The following ADCY2 variants were observed in gnomAD, a reference collection of about 807,000 sequenced individuals.
ADCY2 encodes the protein adenylate cyclase type 2.
In ADCY2, 31 loss-of-function variants were observed where a neutral mutation model predicts 125.2. That is an observed-to-expected ratio of 0.25 (90% CI 0.19 to 0.33). The LOEUF (loss-of-function observed/expected upper bound fraction) is 0.33, where lower values mean the gene tolerates loss of function less well. Among genes scored for constraint, ADCY2 ranks in the 10% least tolerant of loss-of-function variants. ADCY2 has a pLI of 1.00. For missense variants in ADCY2, 904 were observed against 1,418.2 expected, an observed-to-expected ratio of 0.64 and a Z score of 5.82; for synonymous variants, 512 against 548.4, an observed-to-expected ratio of 0.93 and a Z score of 0.93.
intron 4 of ADCY2, among the ~76,000 whole-genome samples, chr5:7,658,597 A>G (rs918085407): frequency 9.2e-5 from 14 of 152,236 alleles, no homozygotes; most frequent in Admixed American, 8.5e-4. Flanking sequence ...AAGTGTATTT[A>G]CTGCATTGCT....
At chr5:7,749,037 C>T (rs558787578) in intron 15 of ADCY2, among the ~76,000 whole-genome samples, 1 of 152,178 alleles carries the variant, frequency 6.6e-6, no homozygotes, top group African/African-American at 2.4e-5. Flanking sequence ...CGGTGCCCAG[C>T]ACTAGGCAGG....
intron 18 of ADCY2, among the ~76,000 whole-genome samples, chr5:7,778,141 G>A (rs142288964): frequency 4.8e-4 from 73 of 152,344 alleles, no homozygotes; most frequent in Non-Finnish European, 7.6e-4. Context: ...CAAGGTGATG[G>A]TGATGTTAAT....
In ADCY2 at chr5:7,414,749, C is replaced by T; in HGVS notation, c.387C>T (p.Gly129=). The T allele has an allele frequency of 6.2e-7, 1 of 1,611,622 alleles. No individual in the cohort carries two copies. The highest frequency in any genetic ancestry group is 8.5e-7 in the Non-Finnish European group (1 of 1,179,258). ...AMGYLFMCFG[G]TVSPWDQVSF... is the part of the protein sequence containing the mutation. ...GATACCTGTTCATGTGTTTTGGAGG[C>T]ACCGTCTCTCCCTGGGACCAGGTAA... The change falls in exon 2 of 25, where the codon GGC becomes GGT. Residue 129 remains glycine (G), a synonymous_variant. Coordinates refer to ENST00000338316, the MANE Select transcript of ADCY2 (RefSeq NM_020546.3).
intron 3 of ADCY2, among the ~76,000 whole-genome samples, chr5:7,539,997 A>C (rs1734943066): frequency 1.3e-5 from 2 of 152,222 alleles, no homozygotes; most frequent in African/African-American, 4.8e-5. Flanking sequence ...GCAACTTCCA[A>C]AACAACTCTT....
intron 1 of ADCY2, among the ~76,000 whole-genome samples, chr5:7,405,883 G>T (rs945354295): frequency 1.3e-5 from 2 of 152,156 alleles, no homozygotes; most frequent in African/African-American, 4.8e-5. Flanking sequence ...TTTAGAGACA[G>T]GGTCTTGCTC....
intron 4 of ADCY2, among the ~76,000 whole-genome samples, chr5:7,656,696 A>T (rs1346354380): frequency 6.6e-6 from 1 of 152,186 alleles, no homozygotes; most frequent in Admixed American, 6.5e-5. Context: ...TTACATAAGC[A>T]AAGTGGGAAG....
At chr5:7,522,924 T>A (rs1371699232) in intron 3 of ADCY2, among the ~76,000 whole-genome samples, 2 of 43,046 alleles carry the variant, frequency 4.6e-5, no homozygotes, top group Non-Finnish European at 8.4e-5. Flanking sequence ...AAACTCCGTC[T>A]CAAAAAAAAA....
At chr5:7,504,264 AAGAT>A (rs1223924650) in intron 2 of ADCY2, among the ~76,000 whole-genome samples, 1 of 152,230 alleles carries the variant, frequency 6.6e-6, no homozygotes, top group African/African-American at 2.4e-5. Flanking sequence ...GAACCAGAAA[AAGAT>A]AAATAAATAA....
intron 3 of ADCY2, among the ~76,000 whole-genome samples, chr5:7,597,886 C>A (rs1737062395): frequency 6.6e-6 from 1 of 152,162 alleles, no homozygotes; most frequent in Admixed American, 6.5e-5. Flanking sequence ...ACCTGTGTAC[C>A]TTGCCCTGTG....
At chr5:7,408,939 T>C (rs894515371) in intron 1 of ADCY2, among the ~76,000 whole-genome samples, 1 of 152,158 alleles carries the variant, frequency 6.6e-6, no homozygotes, top group Admixed American at 6.5e-5. Context: ...TGAATATTCA[T>C]TGCAGCAGCA....
At chr5:7,485,189 A>T (rs1207250863) in intron 2 of ADCY2, among the ~76,000 whole-genome samples, 1 of 152,204 alleles carries the variant, frequency 6.6e-6, no homozygotes, top group African/African-American at 2.4e-5. Context: ...ACTTGAATAG[A>T]TATGGCTATG....
chr5:7,697,870 T>C (rs927928698), intron 6 of ADCY2, among the ~76,000 whole-genome samples: 2 of 152,172 alleles, frequency 1.3e-5, no homozygotes, highest in African/African-American at 4.8e-5. Flanking sequence ...GTGCTGGTCA[T>C]CATTTTCTAC....
intron 2 of ADCY2, among the ~76,000 whole-genome samples, chr5:7,415,766 T>C (rs1459101253): frequency 4.6e-5 from 7 of 152,088 alleles, no homozygotes; most frequent in African/African-American, 1.7e-4. Flanking sequence ...GCTGCTGCTA[T>C]GTGGGTGGCT....
At chr5:7,724,269 T>A (rs1182593987) in intron 12 of ADCY2, among the ~76,000 whole-genome samples, 1 of 152,096 alleles carries the variant, frequency 6.6e-6, no homozygotes, top group Non-Finnish European at 1.5e-5. Context: ...TTAATTCAGA[T>A]CCCTTGAGTT....
At position 7,452,077 on chromosome 5, in the gene ADCY2, A is replaced by T. The variant is rs79033381; in HGVS notation, c.408+37307A>T. On this transcript the variant is annotated intron_variant, in intron 2 of 24. Coordinates refer to ENST00000338316, the MANE Select transcript of ADCY2 (RefSeq NM_020546.3). The stretch of plus-strand genomic sequence containing the variant: ...AGGTGAGCACCACCACATTTGGCTA[A>T]TTTTTTTGTATTTTTAGTAGAGACA... 1.3e-3 allele frequency among the ~76,000 whole-genome samples: 193 copies of T among 151,898 alleles called. 1 individual carries two copies. Among genetic ancestry groups the T allele is most frequent in the African/African-American group, 4.2e-3 (175 of 41,410 alleles).
chr5:7,564,092 C>T lies in ADCY2; in HGVS notation c.570+43193C>T, dbSNP rs57743048. ...TTGTTTGAAGATTAATTCTGTAAAA[C>T]ATAGTCTTTGTAAATATATTCAAGA... On this transcript the variant is annotated intron_variant, in intron 3 of 24. Coordinates refer to ENST00000338316, the MANE Select transcript of ADCY2 (RefSeq NM_020546.3). Among the ~76,000 whole-genome samples the T allele has an allele frequency of 8.4e-3, 1,283 of 152,284 alleles. 19 individuals are homozygous for T. The highest frequency in any genetic ancestry group is 0.029 in the African/African-American group (1,200 of 41,568).
chr5:7,728,934 T>A (rs534581149), intron 14 of ADCY2, among the ~76,000 whole-genome samples: 1 of 152,250 alleles, frequency 6.6e-6, no homozygotes, highest in South Asian at 2.1e-4. Flanking sequence ...AAGAAACACA[T>A]CCTCGTCATG....
intron 2 of ADCY2, among the ~76,000 whole-genome samples, chr5:7,466,954 C>G (rs560778584): frequency 6.6e-6 from 1 of 152,262 alleles, no homozygotes; most frequent in Admixed American, 6.5e-5. Context: ...TTAGTAGAAA[C>G]CATCCTTCCT....
At chr5:7,570,702 A>G (rs1736041424) in intron 3 of ADCY2, among the ~76,000 whole-genome samples, 1 of 152,096 alleles carries the variant, frequency 6.6e-6, no homozygotes, top group African/African-American at 2.4e-5. Context: ...ACTCCACACT[A>G]CAGAATTTCA....
Sources: allele counts gnomAD v4.1 joint callset (sites outside exome capture counted in the v4.1 genomes callset), GRCh38; gene constraint gnomAD v4.1.1; transcripts MANE v1.5; gene names NCBI Gene and HGNC (gene_info 2026-07-23, HGNC 2026-07-21).